ANKFN1: variants seen among roughly 807,000 people sequenced by gnomAD.
ANKFN1 encodes the protein ankyrin repeat and fibronectin type-III domain-containing protein 1.
ANKFN1 carries 74 observed loss-of-function variants against 108.7 expected under a neutral mutation model. That is an observed-to-expected ratio of 0.68 (90% CI 0.56 to 0.83). The LOEUF is 0.83. Among genes scored for constraint, ANKFN1 ranks in the 40% least tolerant of loss-of-function variants. The pLI is 0.00. For missense variants in ANKFN1, 1,505 were observed against 1,382.3 expected, an observed-to-expected ratio of 1.09 and a Z score of -1.41; for synonymous variants, 547 against 516.2, an observed-to-expected ratio of 1.06 and a Z score of -0.81.
intron 8 of ANKFN1, among the ~76,000 whole-genome samples, chr17:56,398,226 G>C (rs1029433697): frequency 6.6e-6 from 1 of 152,108 alleles, no homozygotes; most frequent in East Asian, 1.9e-4. Context: ...CCTGGCACTT[G>C]GTACATGATA....
At chr17:56,050,534 T>G (rs1391850939) in intron 4 of ANKFN1, among the ~76,000 whole-genome samples, 1 of 147,674 alleles carries the variant, frequency 6.8e-6, no homozygotes, top group Admixed American at 6.8e-5. Flanking sequence ...AGGTCTAACG[T>G]TTAAATCTTT....
chr17:56,363,857 T>G (rs2046589195), intron 6 of ANKFN1, among the ~76,000 whole-genome samples: 1 of 152,208 alleles, frequency 6.6e-6, no homozygotes, highest in Middle Eastern at 3.2e-3. Context: ...TTCTCACTTA[T>G]TTAGAGTCTT....
At chr17:56,220,792 G>GAGGA (rs1461782907) in intron 2 of ANKFN1, among the ~76,000 whole-genome samples, 353 of 79,804 alleles carry the variant, frequency 4.4e-3, no homozygotes, top group Non-Finnish European at 6.4e-3. Flanking sequence ...GGAAGGAAGG[G>GAGGA]AGGAAGGGAG....
At chr17:56,318,107 G>A (rs1252722608) in intron 3 of ANKFN1, among the ~76,000 whole-genome samples, 1 of 152,160 alleles carries the variant, frequency 6.6e-6, no homozygotes, top group Non-Finnish European at 1.5e-5. Flanking sequence ...AATGTCCCTT[G>A]TAACTGCCTT....
At chr17:56,314,906 T>A (rs2332647) in intron 3 of ANKFN1, among the ~76,000 whole-genome samples, 96,879 of 152,028 alleles carry the variant, frequency 0.64, 32,180 homozygotes, top group East Asian at 0.94. Flanking sequence ...TTTTTTTTAA[T>A]TAGTCATCAA....
At chr17:56,098,001 A>AG (rs1369952913) in intron 4 of ANKFN1, among the ~76,000 whole-genome samples, 1 of 152,192 alleles carries the variant, frequency 6.6e-6, no homozygotes, top group Non-Finnish European at 1.5e-5. Context: ...GATCTTGAAA[A>AG]GGGGAGCTTA....
chr17:56,346,752 T>A (rs1423203174), intron 4 of ANKFN1, among the ~76,000 whole-genome samples: 1 of 151,792 alleles, frequency 6.6e-6, no homozygotes, highest in Non-Finnish European at 1.5e-5. Context: ...TAATTTTGAA[T>A]CTTTATGTGA....
At chr17:56,095,647 T>G (rs919526936) in intron 4 of ANKFN1, among the ~76,000 whole-genome samples, 1 of 152,178 alleles carries the variant, frequency 6.6e-6, no homozygotes, top group Non-Finnish European at 1.5e-5. Flanking sequence ...CTAGCGAAGC[T>G]ATACAGAAAG....
chr17:56,276,199 G>A (rs2043927760), intron 3 of ANKFN1, among the ~76,000 whole-genome samples: 1 of 151,892 alleles, frequency 6.6e-6, no homozygotes, highest in South Asian at 2.1e-4. Context: ...ATGAGCTCAT[G>A]GAATACTGCA....
At chr17:56,090,502 A>G (rs964720775) in intron 4 of ANKFN1, among the ~76,000 whole-genome samples, 2 of 151,156 alleles carry the variant, frequency 1.3e-5, no homozygotes, top group Non-Finnish European at 3.0e-5. Flanking sequence ...TGCTTAGGGT[A>G]TTCTCCTGCC....
intron 14 of ANKFN1, among the ~76,000 whole-genome samples, chr17:56,458,874 CA>C (rs200548312): frequency 2.0e-5 from 3 of 151,640 alleles, no homozygotes; most frequent in East Asian, 1.9e-4. Flanking sequence ...GTCACAATAA[CA>C]AAAAAAAATT....
chr17:56,403,482 G>C (rs965390002), intron 8 of ANKFN1, among the ~76,000 whole-genome samples: 1 of 152,068 alleles, frequency 6.6e-6, no homozygotes, highest in South Asian at 2.1e-4. Context: ...AGCTACACCT[G>C]CTTGCTTTTC....
chr17:56,238,433 C>A (rs1023783293), intron 3 of ANKFN1, among the ~76,000 whole-genome samples: 1 of 152,116 alleles, frequency 6.6e-6, no homozygotes, highest in South Asian at 2.1e-4. Flanking sequence ...GACTAAGTCT[C>A]TAAGAACTTG....
chr17:56,457,906 T>C lies in ANKFN1; in HGVS notation c.1484T>C (p.Ile495Thr). The change falls in exon 14 of 21, where the codon ATA becomes ACA. Residue 495 changes from isoleucine to threonine, a missense_variant. Coordinates refer to ENST00000682825, the MANE Select transcript of ANKFN1 (RefSeq NM_001370326.1). ...GATATAAGGTGGCTGAGGCAAAGCA[T>C]ACCAATATCCTCATCCTCATCCACA... Reference protein sequence around the residue: ...WEDIRWLRQSIPISSSSSTVL... With the variant: ...WEDIRWLRQSTPISSSSSTVL... The C allele has an allele frequency of 2.5e-6, 4 of 1,614,030 alleles. No individual in the cohort carries two copies. Among genetic ancestry groups the C allele is most frequent in the Non-Finnish European group, 3.4e-6 (4 of 1,179,980 alleles).
chr17:56,302,239 G>A (rs1191076642), intron 3 of ANKFN1, among the ~76,000 whole-genome samples: 2 of 152,068 alleles, frequency 1.3e-5, no homozygotes, highest in African/African-American at 2.4e-5. Flanking sequence ...TCCAAAGCCT[G>A]TACTCTTTCT....
At chr17:56,191,859 C>G (rs1478951719) in intron 1 of ANKFN1, among the ~76,000 whole-genome samples, 1 of 149,672 alleles carries the variant, frequency 6.7e-6, no homozygotes. Context: ...ACCAATCAGA[C>G]GTAGATTTGG....
intron 5 of ANKFN1, among the ~76,000 whole-genome samples, chr17:56,352,177 A>G (rs942377942): frequency 2.0e-5 from 3 of 152,208 alleles, no homozygotes; most frequent in Admixed American, 2.0e-4. Flanking sequence ...TTTACCATTC[A>G]GCAGATTGTC....
At chr17:56,160,645 A>T (rs1490682525) in intron 1 of ANKFN1, among the ~76,000 whole-genome samples, 1 of 152,162 alleles carries the variant, frequency 6.6e-6, no homozygotes, top group East Asian at 1.9e-4. Context: ...TCTTATGGAA[A>T]CTTTTATAAG....
At chr17:56,505,015 C>T (rs2051507590) in intron 20 of ANKFN1, among the ~76,000 whole-genome samples, 1 of 152,116 alleles carries the variant, frequency 6.6e-6, no homozygotes, top group Non-Finnish European at 1.5e-5. Context: ...CCTCATAGTA[C>T]TTATTCATAG....
Sources: allele counts gnomAD v4.1 joint callset (sites outside exome capture counted in the v4.1 genomes callset), GRCh38; gene constraint gnomAD v4.1.1; transcripts MANE v1.5; gene names NCBI Gene and HGNC (gene_info 2026-07-23, HGNC 2026-07-21).